MAST4: variants seen among roughly 807,000 people sequenced by gnomAD.
MAST4 encodes microtubule-associated serine/threonine-protein kinase 4.
Under a neutral mutation model 162.7 loss-of-function variants are expected in MAST4, and 89 were observed. That is an observed-to-expected ratio of 0.55 (90% CI 0.46 to 0.65). MAST4 has a LOEUF of 0.65. Ranked by LOEUF, MAST4 falls within the 30% of genes least tolerant of loss-of-function variation. The pLI, the probability that MAST4 is intolerant of heterozygous loss-of-function variation, is 0.00. For missense variants in MAST4, 3,153 were observed against 3,374.0 expected (o/e 0.93, Z 1.62); for synonymous variants, 1,479 against 1,361.1 (o/e 1.09, Z -1.91).
intron 1 of MAST4, among the ~76,000 whole-genome samples, chr5:66,648,655 G>A (rs943668390): frequency 1.8e-4 from 28 of 152,028 alleles, no homozygotes; most frequent in African/African-American, 4.3e-4. Context: ...ATTGGTGCTC[G>A]ACTGAACTGT....
intron 6 of MAST4, among the ~76,000 whole-genome samples, chr5:67,092,508 T>C (rs1031709367): frequency 2.6e-5 from 4 of 152,216 alleles, no homozygotes; most frequent in African/African-American, 9.6e-5. Context: ...ACATTGCTAA[T>C]TGTGGTATTA....
At chr5:66,955,892 T>C (rs1745255535) in intron 4 of MAST4, among the ~76,000 whole-genome samples, 1 of 152,190 alleles carries the variant, frequency 6.6e-6, no homozygotes, top group African/African-American at 2.4e-5. Flanking sequence ...TATGTGTGTG[T>C]TTGTTTATAG....
chr5:66,997,861 A>G (rs957986601), intron 4 of MAST4, among the ~76,000 whole-genome samples: 2 of 152,268 alleles, frequency 1.3e-5, no homozygotes, highest in African/African-American at 4.8e-5. Flanking sequence ...ATAACTTAAT[A>G]GAACTCCTTG....
rs149602760 is a variant in MAST4 at position 66,804,571 on chromosome 5, C to T, written c.642+15777C>T. 5.0e-3 allele frequency among the ~76,000 whole-genome samples: 767 copies of T among 152,308 alleles called. 9 individuals are homozygous for T. The highest frequency in any genetic ancestry group is 0.017 in the African/African-American group (722 of 41,560). On this transcript the variant is annotated intron_variant, in intron 3 of 28. Transcript: ENST00000403625. ...CCACAGTGTCACTTCTGCCCACTGG[C>T]CAAAGTAAGCCACATGATTAAGTCT...
intron 3 of MAST4, among the ~76,000 whole-genome samples, chr5:66,860,702 A>G (rs1444611370): frequency 7.0e-6 from 1 of 143,796 alleles, no homozygotes; most frequent in Non-Finnish European, 1.5e-5. Context: ...ATCTGCCCTT[A>G]TTCTATTCCC....
intron 1 of MAST4, among the ~76,000 whole-genome samples, chr5:66,601,693 G>A (rs908779115): frequency 7.9e-5 from 12 of 152,154 alleles, no homozygotes; most frequent in Non-Finnish European, 1.2e-4. Context: ...AGGTGTGGAG[G>A]AGAGAAGAGC....
intron 1 of MAST4, among the ~76,000 whole-genome samples, chr5:66,665,627 C>T (rs879654834): frequency 3.9e-5 from 6 of 152,136 alleles, no homozygotes; most frequent in Non-Finnish European, 7.4e-5. Flanking sequence ...TAGGACATCT[C>T]GGGATGTCTT....
chr5:67,093,314 G>A (rs1224381729), intron 6 of MAST4, among the ~76,000 whole-genome samples: 1 of 152,196 alleles, frequency 6.6e-6, no homozygotes, highest in Non-Finnish European at 1.5e-5. Flanking sequence ...CAAGAATGTA[G>A]TCTTGTCTTC....
chr5:66,788,915 G>A, intron 3 of MAST4, 121 bp downstream of exon 3: 4 of 1,263,262 alleles, frequency 3.2e-6, no homozygotes, highest in Non-Finnish European at 4.1e-6. Context: ...GCACATATTT[G>A]GCAATGTGGA....
chr5:67,061,022 A>C (rs1759510648), intron 5 of MAST4, among the ~76,000 whole-genome samples: 1 of 152,250 alleles, frequency 6.6e-6, no homozygotes, highest in African/African-American at 2.4e-5. Flanking sequence ...GTTTCTGATT[A>C]TAACAGTAAA....
chr5:66,746,311 T>C (rs1280445898), intron 1 of MAST4, among the ~76,000 whole-genome samples: 1 of 152,032 alleles, frequency 6.6e-6, no homozygotes, highest in Non-Finnish European at 1.5e-5. Context: ...TAAGAGGAGG[T>C]TAAGGTTGAC....
intron 4 of MAST4, among the ~76,000 whole-genome samples, chr5:66,905,484 C>T (rs757341446): frequency 6.6e-6 from 1 of 152,084 alleles, no homozygotes; most frequent in Non-Finnish European, 1.5e-5. Flanking sequence ...ATTAACTGAT[C>T]TAGCAACAAT....
At chr5:66,672,997 G>C (rs1434684491) in intron 1 of MAST4, among the ~76,000 whole-genome samples, 1 of 152,148 alleles carries the variant, frequency 6.6e-6, no homozygotes, top group Non-Finnish European at 1.5e-5. Context: ...GATTGGTATA[G>C]AGTAGTAACT....
intron 4 of MAST4, among the ~76,000 whole-genome samples, chr5:67,047,949 A>G (rs959569258): frequency 6.6e-6 from 1 of 152,222 alleles, no homozygotes; most frequent in Admixed American, 6.5e-5. Context: ...ATGCCTAGAA[A>G]GAAAGGGTCG....
At chr5:67,143,669 G>A (rs1455760026) in intron 21 of MAST4, among the ~76,000 whole-genome samples, 3 of 152,146 alleles carry the variant, frequency 2.0e-5, no homozygotes, top group African/African-American at 7.2e-5. Context: ...CTACCCTCCT[G>A]TGTATGGGAA....
chr5:66,663,725 G>A (rs1747060001), intron 1 of MAST4, among the ~76,000 whole-genome samples: 1 of 151,776 alleles, frequency 6.6e-6, no homozygotes, highest in African/African-American at 2.4e-5. Flanking sequence ...GATTATATAG[G>A]ACCTGTGGGC....
At chr5:66,798,760 T>C (rs773028311) in intron 3 of MAST4, among the ~76,000 whole-genome samples, 1 of 152,178 alleles carries the variant, frequency 6.6e-6, no homozygotes, top group Non-Finnish European at 1.5e-5. Context: ...AAGTATGAAA[T>C]ATCTCTTCAT....
intron 3 of MAST4, among the ~76,000 whole-genome samples, chr5:66,873,364 T>A (rs951647410): frequency 1.3e-5 from 2 of 152,212 alleles, no homozygotes; most frequent in African/African-American, 4.8e-5. Context: ...AAGCACACTT[T>A]GCTTAGATTC....
At chr5:66,635,651 G>C (rs1648752871) in intron 1 of MAST4, among the ~76,000 whole-genome samples, 1 of 151,960 alleles carries the variant, frequency 6.6e-6, no homozygotes, top group Non-Finnish European at 1.5e-5. Flanking sequence ...GGAAACTTGT[G>C]AGATAGAAAC....
Sources: allele counts gnomAD v4.1 joint callset (sites outside exome capture counted in the v4.1 genomes callset), GRCh38; gene constraint gnomAD v4.1.1; transcripts MANE v1.5; gene names NCBI Gene and HGNC (gene_info 2026-07-23, HGNC 2026-07-21).